Variants in CDC42BPA observed in about 807,000 individuals in gnomAD.
CDC42BPA encodes serine/threonine-protein kinase MRCK alpha.
In CDC42BPA, 80 loss-of-function variants were observed where a neutral mutation model predicts 223.5. That is an observed-to-expected ratio of 0.36 (90% CI 0.30 to 0.43). The LOEUF is 0.43. Ranked by LOEUF, CDC42BPA falls within the 20% of genes least tolerant of loss-of-function variation. The probability of loss-of-function intolerance (pLI) is 1.00; values close to 1 mark genes in which losing one functional copy is unlikely to be tolerated. For missense variants in CDC42BPA, 1,743 were observed against 2,099.9 expected (o/e 0.83, Z 3.32); for synonymous variants, 694 against 718.6 (o/e 0.97, Z 0.55).
At chr1:227,115,692 G>A (rs1177212999) in intron 12 of CDC42BPA, among the ~76,000 whole-genome samples, 1 of 152,034 alleles carries the variant, frequency 6.6e-6, no homozygotes, top group Non-Finnish European at 1.5e-5. Flanking sequence ...ACCACGTAGA[G>A]CAAGTTCTGT....
intron 5 of CDC42BPA, among the ~76,000 whole-genome samples, chr1:227,162,438 C>T (rs935659630): frequency 6.6e-6 from 1 of 152,106 alleles, no homozygotes; most frequent in African/African-American, 2.4e-5. Flanking sequence ...TGCCTATATA[C>T]AACATCATAA....
rs772895815 is a variant in CDC42BPA at position 227,129,166 on chromosome 1, C to A, written c.1456G>T (p.Asp486Tyr). ...TCTTTTAAGTTTTTTATTTCTAAAT[C>A]TTTGCTTGCTGTTAGTGGACCATCA... ...TVDGPLTASK[D>Y]LEIKNLKEEI... is the part of the protein sequence containing the mutation. The change falls in exon 11 of 37, where the codon GAT becomes TAT. Residue 486 changes from aspartate to tyrosine, a missense_variant. Around this residue, in one of 6 missense-constraint regions of CDC42BPA, gnomAD observed 464 missense variants for 488.0 expected, o/e 0.95. Transcript: ENST00000366766. 6.4e-7 allele frequency: 1 copy of A among 1,568,166 alleles called. No individual in the cohort carries two copies. Among genetic ancestry groups the A allele is most frequent in the Non-Finnish European group, 8.8e-7 (1 of 1,141,184 alleles).
At chr1:227,064,989 C>T (rs1275077529) in intron 21 of CDC42BPA, among the ~76,000 whole-genome samples, 7 of 151,794 alleles carry the variant, frequency 4.6e-5, no homozygotes, top group African/African-American at 9.7e-5. Context: ...CCCAGCTACT[C>T]GGGAGGCTGA....
intron 5 of CDC42BPA, among the ~76,000 whole-genome samples, chr1:227,170,857 T>A (rs566561426): frequency 1.3e-5 from 2 of 152,282 alleles, no homozygotes; most frequent in South Asian, 4.1e-4. Context: ...CCCTAATAAA[T>A]ACCCTGCATG....
At chr1:227,224,979 G>GA (rs910215468) in intron 2 of CDC42BPA, among the ~76,000 whole-genome samples, 46 of 151,624 alleles carry the variant, frequency 3.0e-4, no homozygotes, top group African/African-American at 4.8e-5. Flanking sequence ...CTAACAGAGG[G>GA]AAAAAAAATC....
chr1:227,264,846 C>T, intron 1 of CDC42BPA: 1 of 1,524,884 alleles, frequency 6.6e-7, no homozygotes, highest in Non-Finnish European at 9.1e-7. Context: ...ACTGTAATTC[C>T]TTCAGGTAAG....
At chr1:227,042,499 G>A (rs543825656) in intron 23 of CDC42BPA, among the ~76,000 whole-genome samples, 1 of 152,100 alleles carries the variant, frequency 6.6e-6, no homozygotes, top group East Asian at 1.9e-4. Flanking sequence ...AGATTAACGG[G>A]TTTATATTTC....
intron 11 of CDC42BPA, 85 bp downstream of exon 11, chr1:227,129,024 G>A: frequency 1.1e-6 from 1 of 904,768 alleles, no homozygotes; most frequent in South Asian, 1.7e-5. Flanking sequence ...AACACAGACA[G>A]GTTCTCAATA....
intron 16 of CDC42BPA, among the ~76,000 whole-genome samples, chr1:227,081,912 A>G (rs1680744671): frequency 6.6e-6 from 1 of 152,196 alleles, no homozygotes; most frequent in Non-Finnish European, 1.5e-5. Context: ...AAATTTCACA[A>G]ATTTCCTAAT....
At chr1:227,277,078 T>TAAAAAAAA (rs199895591) in intron 1 of CDC42BPA, among the ~76,000 whole-genome samples, 17 of 105,004 alleles carry the variant, frequency 1.6e-4, no homozygotes, top group African/African-American at 4.4e-4. Context: ...CAATAAATAC[T>TAAAAAAAA]AAAAAAAAAA....
At position 227,317,743 on chromosome 1, in the gene CDC42BPA, C is replaced by T. The variant is rs1042356415; in HGVS notation, c.-561G>A. The T allele has an allele frequency of 1.5e-5, 6 of 398,420 alleles. No individual in the cohort carries two copies. Among genetic ancestry groups the T allele is most frequent in the Non-Finnish European group, 2.2e-5 (5 of 226,108 alleles). The allele number at this position is 398,420 out of a possible 1,614,324, so 24.7% of individuals were successfully genotyped here. A position where few individuals can be genotyped will look rare whatever the true frequency, so the allele number is the denominator to read the frequency against. On this transcript the variant is annotated 5_prime_UTR_variant, in exon 1 of 37. Transcript: ENST00000366766. Reference sequence around the variant, plus strand: ...CCCAACCACCACTTGGATAATGCATCAGCGGCAATTTCTCCAGCGGGAAAG... The same window carrying T: ...CCCAACCACCACTTGGATAATGCATTAGCGGCAATTTCTCCAGCGGGAAAG...
chr1:227,193,184 T>A (rs1670034185), intron 5 of CDC42BPA, among the ~76,000 whole-genome samples: 1 of 149,224 alleles, frequency 6.7e-6, no homozygotes, highest in South Asian at 2.2e-4. Context: ...TTCTCCTGCC[T>A]CAGCCTCTCC....
At chr1:227,253,252 G>GAGAGAA (rs1054688997) in intron 2 of CDC42BPA, among the ~76,000 whole-genome samples, 3 of 106,046 alleles carry the variant, frequency 2.8e-5, no homozygotes, top group African/African-American at 8.5e-5. Context: ...GAGAGCGAGA[G>GAGAGAA]AGAGAGCGAG....
chr1:227,299,220 G>A (rs181054576), intron 1 of CDC42BPA, among the ~76,000 whole-genome samples: 1 of 152,260 alleles, frequency 6.6e-6, no homozygotes, highest in East Asian at 1.9e-4. Flanking sequence ...TCTTAGGGTT[G>A]ACGAACACTA....
At chr1:227,193,263 G>A (rs933291238) in intron 5 of CDC42BPA, among the ~76,000 whole-genome samples, 12 of 151,644 alleles carry the variant, frequency 7.9e-5, no homozygotes, top group African/African-American at 2.7e-4. Context: ...TAGTAGAGAC[G>A]GAGTTTCACC....
chr1:227,056,241 A>G (rs1674523324), intron 21 of CDC42BPA, among the ~76,000 whole-genome samples: 1 of 152,202 alleles, frequency 6.6e-6, no homozygotes, highest in Non-Finnish European at 1.5e-5. Context: ...CCCTCTCATA[A>G]GAAACCTTGC....
chr1:227,291,171 T>G (rs1257255467), intron 1 of CDC42BPA, among the ~76,000 whole-genome samples: 2 of 152,238 alleles, frequency 1.3e-5, no homozygotes, highest in East Asian at 3.9e-4. Flanking sequence ...GGGCTACAGG[T>G]AGCCTTCCTC....
intron 2 of CDC42BPA, among the ~76,000 whole-genome samples, chr1:227,232,044 A>T (rs965951594): frequency 6.6e-6 from 1 of 152,180 alleles, no homozygotes; most frequent in African/African-American, 2.4e-5. Flanking sequence ...TGTTTTAGTC[A>T]TGAAGTCCTT....
chr1:227,222,157 GCA>G (rs1476483042), intron 2 of CDC42BPA, among the ~76,000 whole-genome samples: 66 of 151,588 alleles, frequency 4.4e-4, no homozygotes, highest in African/African-American at 1.6e-3. Flanking sequence ...GGTCAAGACT[GCA>G]GTGAGCTGTG....
Sources: gnomAD v4.1 joint callset for allele counts (sites outside exome capture counted in the v4.1 genomes callset) on GRCh38, gnomAD v4.1.1 for gene constraint, gnomAD v4.1.1 regional missense constraint, MANE v1.5 for transcripts, NCBI Gene and HGNC (gene_info 2026-07-23, HGNC 2026-07-21) for gene names.